Variants in ITFG1 observed in about 807,000 individuals in gnomAD.
The protein encoded by ITFG1 is T-cell immunomodulatory protein.
ITFG1 carries 34 observed loss-of-function variants against 81.8 expected under a neutral mutation model. The observed-to-expected ratio is 0.42, with a 90% confidence interval of 0.32 to 0.55. The LOEUF (loss-of-function observed/expected upper bound fraction) is 0.55. ITFG1 is among the 20% of genes least tolerant of loss of function. ITFG1 has a pLI of 0.17. For missense variants in ITFG1, 672 were observed against 755.4 expected (o/e 0.89, Z 1.29); for synonymous variants, 285 against 270.6 (o/e 1.05, Z -0.52).
intron 14 of ITFG1, among the ~76,000 whole-genome samples, chr16:47,214,527 G>A (rs898023121): frequency 6.6e-6 from 1 of 152,154 alleles, no homozygotes; most frequent in African/African-American, 2.4e-5. Context: ...GATGCCCATT[G>A]CAGATCCCTG....
intron 14 of ITFG1, among the ~76,000 whole-genome samples, chr16:47,173,762 T>G (rs1347301978): frequency 6.6e-6 from 1 of 152,160 alleles, no homozygotes; most frequent in East Asian, 1.9e-4. Flanking sequence ...AAGTTTTCGC[T>G]GGGCGCAGTG....
At position 47,364,123 on chromosome 16, in the gene ITFG1, G is replaced by A. The variant is rs184295309; in HGVS notation, c.802+1665C>T. 2.5e-3 allele frequency among the ~76,000 whole-genome samples: 381 copies of A among 152,214 alleles called. 1 individual carries two copies. Among genetic ancestry groups the A allele is most frequent in the Non-Finnish European group, 4.4e-3 (302 of 67,990 alleles). On this transcript the variant is annotated intron_variant, in intron 8 of 17. Transcript: ENST00000320640. ...GTTAATATTCATATTTTTGGACCCA[G>A]CAGTCTTTTTTACCAATATTCAACT...
At chr16:47,331,461 G>A (rs1967636249) in intron 8 of ITFG1, among the ~76,000 whole-genome samples, 1 of 151,982 alleles carries the variant, frequency 6.6e-6, no homozygotes, top group African/African-American at 2.4e-5. Flanking sequence ...TCTGCACATG[G>A]ACCCTCTGAA....
At chr16:47,392,704 A>C (rs923447669) in intron 6 of ITFG1, among the ~76,000 whole-genome samples, 9 of 152,204 alleles carry the variant, frequency 5.9e-5, no homozygotes, top group African/African-American at 2.2e-4. Context: ...GAATCGGAAA[A>C]GGGTGAAATG....
At chr16:47,244,594 TGTGTGTGTGTGTG>T (rs1965976079) in intron 12 of ITFG1, among the ~76,000 whole-genome samples, 2 of 1,078 alleles carry the variant, frequency 1.9e-3, no homozygotes, top group African/African-American at 1.7e-3. Context: ...CCATCTTTTG[TGTGTGTGTGTGTG>T]TGTGTGTGTG....
intron 6 of ITFG1, among the ~76,000 whole-genome samples, chr16:47,391,976 TGGC>T (rs1252403091): frequency 6.6e-6 from 1 of 152,180 alleles, no homozygotes; most frequent in Non-Finnish European, 1.5e-5. Context: ...GAGTATTTCT[TGGC>T]GGAAACTTTT....
intron 6 of ITFG1, among the ~76,000 whole-genome samples, chr16:47,412,155 C>T (rs1411034180): frequency 6.6e-6 from 1 of 152,088 alleles, no homozygotes; most frequent in Admixed American, 6.5e-5. Context: ...GAATACCAGC[C>T]CTCTCAGATG....
chr16:47,240,908 G>C (rs960618752), intron 12 of ITFG1, among the ~76,000 whole-genome samples: 2 of 152,088 alleles, frequency 1.3e-5, no homozygotes, highest in Non-Finnish European at 2.9e-5. Flanking sequence ...GCTGTTTAAT[G>C]GGTATAGAGT....
intron 10 of ITFG1, among the ~76,000 whole-genome samples, chr16:47,264,015 G>T (rs1187092109): frequency 6.6e-6 from 1 of 152,124 alleles, no homozygotes; most frequent in Non-Finnish European, 1.5e-5. Flanking sequence ...GCGACAAACA[G>T]TCTTGCTTCT....
chr16:47,320,547 TG>T lies in ITFG1; in HGVS notation c.803-6725del, dbSNP rs1967433325. ...TAGCTGTTCCACACCAATTACTGAA[TG>T]ATATATACTTTTCAGAAAAGAAACT... is the stretch of plus-strand genomic sequence containing the variant. On this transcript the variant is annotated intron_variant, in intron 8 of 17. Coordinates refer to ENST00000320640, the MANE Select transcript of ITFG1 (RefSeq NM_030790.5). Among the ~76,000 whole-genome samples the T allele has an allele frequency of 2.0e-5, 3 of 152,350 alleles. No individual in the cohort carries two copies. The South Asian group carries it at 6.2e-4, about 32-fold the overall frequency.
chr16:47,325,681 G>C lies in ITFG1; in HGVS notation c.803-11858C>G, dbSNP rs1323691619. Among the ~76,000 whole-genome samples the C allele has an allele frequency of 4.6e-5, 7 of 152,262 alleles. 1 individual carries two copies. Among genetic ancestry groups the C allele is most frequent in the African/African-American group, 1.4e-4 (6 of 41,562 alleles). Reference sequence around the variant, plus strand: ...CACAGAAATACAAACTACCATCAGAGAATACTATAAACACCTCTACGCAAA... The same window carrying C: ...CACAGAAATACAAACTACCATCAGACAATACTATAAACACCTCTACGCAAA... On this transcript the variant is annotated intron_variant, in intron 8 of 17. Coordinates refer to ENST00000320640, the MANE Select transcript of ITFG1 (RefSeq NM_030790.5).
chr16:47,428,725 T>C, intron 6 of ITFG1, 79 bp downstream of exon 6: 1 of 856,788 alleles, frequency 1.2e-6, no homozygotes, highest in Admixed American at 2.1e-5. Context: ...CATTAGCAAT[T>C]AAATACAAAG....
chr16:47,220,930 T>C (rs868696208), intron 13 of ITFG1, among the ~76,000 whole-genome samples: 2 of 152,120 alleles, frequency 1.3e-5, no homozygotes, highest in Non-Finnish European at 2.9e-5. Flanking sequence ...TTAAGAAAAA[T>C]AGCTGAATTT....
chr16:47,207,447 G>C (rs1418565043), intron 14 of ITFG1, among the ~76,000 whole-genome samples: 1 of 152,134 alleles, frequency 6.6e-6, no homozygotes, highest in Non-Finnish European at 1.5e-5. Context: ...CAAGTGCTTT[G>C]GCACAAGATG....
At chr16:47,173,880 A>T (rs368467961) in intron 14 of ITFG1, among the ~76,000 whole-genome samples, 1 of 152,132 alleles carries the variant, frequency 6.6e-6, no homozygotes, top group African/African-American at 2.4e-5. Context: ...ACCTCTACTA[A>T]AAATACAAAA....
intron 6 of ITFG1, among the ~76,000 whole-genome samples, chr16:47,385,383 A>G (rs778655499): frequency 1.3e-5 from 2 of 152,254 alleles, no homozygotes; most frequent in African/African-American, 2.4e-5. Flanking sequence ...CCAGTGGTAC[A>G]CAATCTGAAG....
intron 8 of ITFG1, among the ~76,000 whole-genome samples, chr16:47,345,584 C>T (rs1036065731): frequency 4.6e-5 from 7 of 152,168 alleles, no homozygotes; most frequent in African/African-American, 1.7e-4. Context: ...CAGGCATCAG[C>T]CACTGTGCCC....
chr16:47,183,722 C>G (rs1416370247), intron 14 of ITFG1, among the ~76,000 whole-genome samples: 1 of 152,174 alleles, frequency 6.6e-6, no homozygotes, highest in African/African-American at 2.4e-5. Context: ...CTCTAAAAAG[C>G]AGAGCGCCTC....
rs149310849 is a variant in ITFG1 at position 47,403,933 on chromosome 16, T to C, written c.655+24871A>G. On this transcript the variant is annotated intron_variant, in intron 6 of 17. Coordinates refer to ENST00000320640, the MANE Select transcript of ITFG1 (RefSeq NM_030790.5). ...GGCATCACCCTCAGAAGGGACCATC[T>C]AGTTGCAGGAAAACAAGCTCAGGGT... Among the ~76,000 whole-genome samples the C allele has an allele frequency of 5.5e-4, 83 of 152,018 alleles. No individual in the cohort carries two copies. In the East Asian group the frequency reaches 0.012, roughly 23 times the overall value.
Sources: gnomAD v4.1 joint callset for allele counts (sites outside exome capture counted in the v4.1 genomes callset) on GRCh38, gnomAD v4.1.1 for gene constraint, MANE v1.5 for transcripts, NCBI Gene and HGNC (gene_info 2026-07-23, HGNC 2026-07-21) for gene names.